The following VRK1 variants were observed in gnomAD, a reference collection of about 807,000 sequenced individuals.
The protein encoded by VRK1 is VRK serine/threonine kinase 1.
Under a neutral mutation model 57.1 loss-of-function variants are expected in VRK1, and 33 were observed. The ratio of observed to expected loss-of-function variants is 0.58; its 90% CI spans 0.44 to 0.77. VRK1 has a LOEUF of 0.77. Ranked by LOEUF, VRK1 falls within the 30% of genes least tolerant of loss-of-function variation. The probability of loss-of-function intolerance (pLI) is 0.00; values close to 1 mark genes in which losing one functional copy is unlikely to be tolerated. For synonymous variants in VRK1, 137 were observed against 147.8 expected (o/e 0.93, Z 0.53); for missense variants, 413 against 477.3 (o/e 0.87, Z 1.25).
chr14:96,812,942 C>T (rs1045944133), intron 1 of VRK1, among the ~76,000 whole-genome samples: 2 of 152,136 alleles, frequency 1.3e-5, no homozygotes, highest in African/African-American at 2.4e-5. Context: ...TTTCATTTTA[C>T]AGGTAAGGAA....
chr14:96,836,556 T>C (rs1359968948), intron 2 of VRK1, among the ~76,000 whole-genome samples: 1 of 137,594 alleles, frequency 7.3e-6, no homozygotes, highest in African/African-American at 2.7e-5. Context: ...GGAGTCTCGC[T>C]CTGTTGCCCA....
At chr14:96,857,317 G>A (rs1010884137) in intron 10 of VRK1, among the ~76,000 whole-genome samples, 13 of 152,110 alleles carry the variant, frequency 8.5e-5, no homozygotes, top group Non-Finnish European at 1.6e-4. Context: ...TTTTAAGTAG[G>A]CTGTCCAGGG....
intron 5 of VRK1, 48 bp downstream of exon 5, chr14:96,847,392 A>G (rs753150270): frequency 6.7e-6 from 10 of 1,488,554 alleles, no homozygotes; most frequent in Non-Finnish European, 9.4e-6. Context: ...TGCAACATTC[A>G]CTATTTAGTT....
At chr14:96,870,648 C>T (rs1888784848) in intron 11 of VRK1, among the ~76,000 whole-genome samples, 1 of 152,104 alleles carries the variant, frequency 6.6e-6, no homozygotes, top group African/African-American at 2.4e-5. Flanking sequence ...CCATTGCTGC[C>T]AACAAGTTGG....
At chr14:96,851,139 A>G (rs1291122876) in intron 5 of VRK1, among the ~76,000 whole-genome samples, 1 of 151,490 alleles carries the variant, frequency 6.6e-6, no homozygotes, top group Admixed American at 6.6e-5. Context: ...TTTTGTCACA[A>G]ATTTTTTTTT....
rs571918406 is a variant in VRK1 at position 96,804,136 on chromosome 14, C to T, written c.-6+6689C>T. On this transcript the variant is annotated intron_variant, in intron 1 of 12. Transcript: ENST00000216639. The stretch of plus-strand genomic sequence containing the variant: ...GTTCTCATTTTTTCTTCTGTTTTAC[C>T]CTTATATGTCTTACATTTAGATCCG... Among the ~76,000 whole-genome samples the T allele has an allele frequency of 2.6e-5, 4 of 152,210 alleles. No individual in the cohort carries two copies. In the East Asian group the frequency reaches 7.7e-4, roughly 29 times the overall value.
chr14:96,807,400 C>T (rs990247683), intron 1 of VRK1, among the ~76,000 whole-genome samples: 1 of 152,180 alleles, frequency 6.6e-6, no homozygotes, highest in Non-Finnish European at 1.5e-5. Context: ...AGTTCATTAG[C>T]TATTCCTTAC....
chr14:96,806,216 C>T (rs145218856), intron 1 of VRK1, among the ~76,000 whole-genome samples: 4,851 of 152,298 alleles, frequency 0.032, 96 homozygotes, highest in Middle Eastern at 0.082. Flanking sequence ...GTTCAAACGT[C>T]TGTCCATTCT....
At chr14:96,802,483 G>C (rs1199508114) in intron 1 of VRK1, among the ~76,000 whole-genome samples, 1 of 152,198 alleles carries the variant, frequency 6.6e-6, no homozygotes, top group Non-Finnish European at 1.5e-5. Flanking sequence ...GCATTGTATT[G>C]AGTGAAAAAA....
chr14:96,846,143 C>T lies in VRK1; in HGVS notation c.265C>T (p.Arg89Ter), dbSNP rs772263867. 20 of 1,613,248 alleles carry T rather than the reference C, an allele frequency of 1.2e-5. No homozygotes were observed. Among genetic ancestry groups the T allele is most frequent in the East Asian group, 4.5e-5 (2 of 44,764 alleles). Residue 89 changes from arginine to a stop codon, truncating the protein, a stop_gained, in exon 4 of 13, where the codon CGA becomes TGA. Transcript: ENST00000216639. LOFTEE classifies it high-confidence loss of function. ...TTTTACTGAATTAAAGTTCTACCAACGAGCTGCAAAACCAGAGCAAAGTAA... is the reference window on the plus strand; with the variant it reads ...TTTTACTGAATTAAAGTTCTACCAATGAGCTGCAAAACCAGAGCAAAGTAA... ...PLFTELKFYQ[R>*]AAKPEQIQKW...
intron 1 of VRK1, among the ~76,000 whole-genome samples, chr14:96,827,081 A>G (rs1301506407): frequency 6.6e-6 from 1 of 152,080 alleles, no homozygotes; most frequent in Non-Finnish European, 1.5e-5. Context: ...GTCTGGGAGA[A>G]CAGGAATAGG....
At chr14:96,852,508 T>A (rs1254150171) in intron 5 of VRK1, among the ~76,000 whole-genome samples, 1 of 152,186 alleles carries the variant, frequency 6.6e-6, no homozygotes, top group Non-Finnish European at 1.5e-5. Context: ...AAATCAATGC[T>A]GTCATTTTTA....
At chr14:96,869,990 T>A (rs1888752929) in intron 11 of VRK1, among the ~76,000 whole-genome samples, 1 of 152,182 alleles carries the variant, frequency 6.6e-6, no homozygotes, top group Admixed American at 6.5e-5. Flanking sequence ...ATTAGCCTCC[T>A]TAGTTTATAG....
chr14:96,875,383 A>G (rs1019969140), intron 11 of VRK1, among the ~76,000 whole-genome samples: 1 of 152,194 alleles, frequency 6.6e-6, no homozygotes, highest in South Asian at 2.1e-4. Flanking sequence ...GGAAATCCAG[A>G]CGATTTTTGA....
chr14:96,839,192 A>AC (rs1222770462), intron 3 of VRK1, among the ~76,000 whole-genome samples: 1 of 151,842 alleles, frequency 6.6e-6, no homozygotes, highest in Admixed American at 6.6e-5. Context: ...GCTCAGCATA[A>AC]CGTTTTAATG....
intron 11 of VRK1, among the ~76,000 whole-genome samples, chr14:96,861,868 A>T (rs988961998): frequency 3.3e-5 from 5 of 152,162 alleles, no homozygotes; most frequent in Non-Finnish European, 5.9e-5. Context: ...TGGAAGCCTG[A>T]GTGGAATTTT....
chr14:96,866,548 A>T (rs186084359), intron 11 of VRK1, among the ~76,000 whole-genome samples: 1 of 152,086 alleles, frequency 6.6e-6, no homozygotes, highest in African/African-American at 2.4e-5. Context: ...AGTGATTTTG[A>T]TTATTCTGCC....
intron 11 of VRK1, among the ~76,000 whole-genome samples, chr14:96,865,320 A>G (rs1344828602): frequency 6.6e-6 from 1 of 152,140 alleles, no homozygotes; most frequent in Non-Finnish European, 1.5e-5. Flanking sequence ...TCGTGTCCTT[A>G]CAGCATTGCA....
rs1278678825 is a variant in VRK1, at chr14:96,811,227, AG to A, written c.-6+13781del. On this transcript the variant is annotated intron_variant, in intron 1 of 12. Coordinates refer to ENST00000216639, the MANE Select transcript of VRK1 (RefSeq NM_003384.3). ...ATTACAGGTGTGAGCCACCGCGCCCAGCCTCTGATCTTACTAATATACTGTG... is the reference window on the plus strand; with the variant it reads ...ATTACAGGTGTGAGCCACCGCGCCCACCTCTGATCTTACTAATATACTGTG... 5.3e-5 allele frequency among the ~76,000 whole-genome samples: 8 copies of A among 152,118 alleles called. No individual in the cohort carries two copies. In the East Asian group the frequency reaches 1.4e-3, roughly 26 times the overall value.
Sources: gnomAD v4.1 joint callset for allele counts (sites outside exome capture counted in the v4.1 genomes callset) on GRCh38, gnomAD v4.1.1 for gene constraint, MANE v1.5 for transcripts, NCBI Gene and HGNC (gene_info 2026-07-23, HGNC 2026-07-21) for gene names.